DCC: variants seen among roughly 807,000 people sequenced by gnomAD.
DCC encodes the protein netrin receptor DCC.
In DCC, 58 loss-of-function variants were observed where a neutral mutation model predicts 172.5. The observed-to-expected ratio is 0.34, with a 90% CI of 0.27 to 0.42. The LOEUF (loss-of-function observed/expected upper bound fraction) is 0.42, where lower values mean the gene tolerates loss of function less well. Among genes scored for constraint, DCC ranks in the 10% least tolerant of loss-of-function variants. DCC has a pLI of 1.00. For missense variants in DCC, 1,740 were observed against 1,791.0 expected (o/e 0.97, Z 0.51); for synonymous variants, 709 against 644.5 (o/e 1.10, Z -1.52).
chr18:53,530,921 A>C lies in DCC; in HGVS notation c.*268A>C. ...GCAATGTCAAAGTTTAAGCTGCTAG[A>C]ATAGTCATGGGCCTTTGTCACTGCA... is the stretch of plus-strand genomic sequence containing the variant. On this transcript the variant is annotated 3_prime_UTR_variant, in exon 29 of 29. Transcript: ENST00000442544. 1.8e-6 allele frequency: 1 copy of C among 563,112 alleles called. No homozygotes were observed. Among genetic ancestry groups the C allele is most frequent in the Admixed American group, 2.8e-5 (1 of 35,288 alleles). The allele number at this position is 563,112 out of a possible 1,614,324, so 34.9% of individuals were successfully genotyped here. A position where few individuals can be genotyped will look rare whatever the true frequency, so the allele number is the denominator to read the frequency against.
intron 9 of DCC, among the ~76,000 whole-genome samples, chr18:53,191,729 CAT>C (rs764005285): frequency 1.3e-5 from 2 of 150,792 alleles, no homozygotes; most frequent in Non-Finnish European, 3.0e-5. Flanking sequence ...AAATAACATT[CAT>C]AGTTAACTGT....
At chr18:53,265,170 A>C (rs2056658316) in intron 12 of DCC, among the ~76,000 whole-genome samples, 1 of 152,182 alleles carries the variant, frequency 6.6e-6, no homozygotes, top group Admixed American at 6.5e-5. Flanking sequence ...TTCTTCCCAA[A>C]TGCTAGCTAA....
In DCC at chr18:53,104,828, G is replaced by A. The variant is rs528134439; in HGVS notation, c.1261+38662G>A. 1.1e-3 allele frequency among the ~76,000 whole-genome samples: 169 copies of A among 152,118 alleles called. 1 individual carries two copies. The highest frequency in any genetic ancestry group is 3.9e-3 in the African/African-American group (164 of 41,548). On this transcript the variant is annotated intron_variant, in intron 7 of 28. Coordinates refer to ENST00000442544, the MANE Select transcript of DCC (RefSeq NM_005215.4). ...TCATCATACTACTTGGGTCCCGAATGCTCAAGAGGTAGAAGTAGGTTATTT... is the reference window on the plus strand; with the variant it reads ...TCATCATACTACTTGGGTCCCGAATACTCAAGAGGTAGAAGTAGGTTATTT...
chr18:53,159,097 G>A (rs2144402831), intron 8 of DCC, among the ~76,000 whole-genome samples: 1 of 151,146 alleles, frequency 6.6e-6, no homozygotes, highest in East Asian at 2.0e-4. Flanking sequence ...TGTTATCTCT[G>A]TAACTATTTG....
chr18:53,089,117 G>A lies in DCC; in HGVS notation c.1261+22951G>A, dbSNP rs968903673. 7.2e-5 allele frequency among the ~76,000 whole-genome samples: 11 copies of A among 152,120 alleles called. No individual in the cohort carries two copies. In the South Asian group the frequency reaches 8.3e-4, roughly 11 times the overall value. ...GTTGCTTGTTTTGAGACAGAGTCTC[G>A]CTCTGCCTCCCAGGCTGGAGTGCAG... On this transcript the variant is annotated intron_variant, in intron 7 of 28. Transcript: ENST00000442544.
intron 22 of DCC, among the ~76,000 whole-genome samples, chr18:53,448,414 C>T (rs1210121259): frequency 6.6e-6 from 1 of 152,106 alleles, no homozygotes; most frequent in African/African-American, 2.4e-5. Context: ...ACCATCAGAC[C>T]TTGTTGTGAG....
At chr18:53,075,808 AAAG>A (rs949756353) in intron 7 of DCC, among the ~76,000 whole-genome samples, 2 of 152,152 alleles carry the variant, frequency 1.3e-5, no homozygotes, top group African/African-American at 4.8e-5. Context: ...TTCCTGGGGA[AAAG>A]AAGAAGGTTA....
In DCC at chr18:53,478,488, G is replaced by A. The variant is rs973859989; in HGVS notation, c.3737-8309G>A. On this transcript the variant is annotated intron_variant, in intron 25 of 28. Coordinates refer to ENST00000442544, the MANE Select transcript of DCC (RefSeq NM_005215.4). ...TTAGCTGTAAGATCATTTAAAGTAT[G>A]AGAGGTTTTTGGGCAGTATCTTGAA... 5.3e-5 allele frequency among the ~76,000 whole-genome samples: 8 copies of A among 152,132 alleles called. No homozygotes were observed. The South Asian group carries it at 6.2e-4, about 12-fold the overall frequency.
chr18:52,731,056 T>C (rs1282643586), intron 1 of DCC, among the ~76,000 whole-genome samples: 1 of 152,206 alleles, frequency 6.6e-6, no homozygotes. Flanking sequence ...TTTTCAGATA[T>C]TGGCTATAAA....
At chr18:53,489,694 G>C (rs531751387) in intron 26 of DCC, among the ~76,000 whole-genome samples, 2 of 152,274 alleles carry the variant, frequency 1.3e-5, no homozygotes, top group East Asian at 3.9e-4. Flanking sequence ...AAGGTCTGCT[G>C]CCTTCTGAAG....
At chr18:52,974,249 T>C (rs1389443791) in intron 5 of DCC, among the ~76,000 whole-genome samples, 1 of 152,232 alleles carries the variant, frequency 6.6e-6, no homozygotes, top group Non-Finnish European at 1.5e-5. Flanking sequence ...TCTGATATTG[T>C]TCACGTAGGT....
chr18:52,793,966 C>G (rs111413638), intron 2 of DCC, among the ~76,000 whole-genome samples: 7,403 of 151,958 alleles, frequency 0.049, 242 homozygotes, highest in South Asian at 0.16. Flanking sequence ...ATTAATTTCT[C>G]GGTTTTCTAT....
intron 1 of DCC, among the ~76,000 whole-genome samples, chr18:52,468,364 T>C (rs73461005): frequency 6.6e-6 from 1 of 151,956 alleles, no homozygotes; most frequent in African/African-American, 2.4e-5. Flanking sequence ...GAGACAAAGA[T>C]GAAAGTATGA....
At chr18:53,240,045 A>C (rs1319241707) in intron 12 of DCC, among the ~76,000 whole-genome samples, 4 of 145,234 alleles carry the variant, frequency 2.8e-5, no homozygotes, top group African/African-American at 8.1e-5. Context: ...AAAAAAAAAA[A>C]AAAAACAACA....
At chr18:52,984,514 A>C (rs2041261806) in intron 5 of DCC, among the ~76,000 whole-genome samples, 1 of 152,158 alleles carries the variant, frequency 6.6e-6, no homozygotes, top group Admixed American at 6.6e-5. Context: ...AATGGCTTTT[A>C]AAAGTAAGTC....
intron 12 of DCC, among the ~76,000 whole-genome samples, chr18:53,299,484 C>T (rs1369902088): frequency 6.6e-6 from 1 of 152,184 alleles, no homozygotes; most frequent in Non-Finnish European, 1.5e-5. Context: ...CCATTCCCAA[C>T]CCCTCCGTGA....
At chr18:53,293,278 C>T (rs956899033) in intron 12 of DCC, among the ~76,000 whole-genome samples, 7 of 152,140 alleles carry the variant, frequency 4.6e-5, no homozygotes, top group African/African-American at 1.4e-4. Context: ...GAAATGCACA[C>T]TACACTTGAT....
chr18:53,367,273 A>G (rs2058016420), intron 15 of DCC, among the ~76,000 whole-genome samples: 1 of 133,530 alleles, frequency 7.5e-6, no homozygotes, highest in East Asian at 1.9e-4. Flanking sequence ...GCTTCAAAGA[A>G]AAAAATGAGT....
chr18:53,457,063 T>TA (rs1357303029), intron 23 of DCC, among the ~76,000 whole-genome samples: 3 of 152,114 alleles, frequency 2.0e-5, no homozygotes, highest in African/African-American at 7.2e-5. Flanking sequence ...AAAAAGGAAA[T>TA]AAAGTCTATT....
Sources: gnomAD v4.1 joint callset for allele counts (sites outside exome capture counted in the v4.1 genomes callset) on GRCh38, gnomAD v4.1.1 for gene constraint, MANE v1.5 for transcripts, NCBI Gene and HGNC (gene_info 2026-07-23, HGNC 2026-07-21) for gene names.